The following RGS6 variants were observed in gnomAD, a reference collection of about 807,000 sequenced individuals.
RGS6 encodes the protein regulator of G-protein signaling 6.
A neutral mutation model predicts 78.5 loss-of-function variants in RGS6; 30 were observed. The ratio of observed to expected loss-of-function variants is 0.38; its 90% CI spans 0.29 to 0.52. RGS6 has a LOEUF of 0.52. Among genes scored for constraint, RGS6 ranks in the 20% least tolerant of loss-of-function variants. The pLI, the probability that RGS6 is intolerant of heterozygous loss-of-function variation, is 0.85. For synonymous variants in RGS6, 206 were observed against 206.0 expected (o/e 1.00, Z 0.00); for missense variants, 495 against 609.7 (o/e 0.81, Z 1.98).
At chr14:72,028,122 G>C (rs1422029268) in intron 2 of RGS6, among the ~76,000 whole-genome samples, 1 of 152,154 alleles carries the variant, frequency 6.6e-6, no homozygotes, top group East Asian at 1.9e-4. Context: ...TTAATTTGTG[G>C]TTGCTTTGCC....
the RGS6 span, among the ~76,000 whole-genome samples, chr14:71,885,173 T>G: frequency 6.6e-6 from 1 of 152,178 alleles, no homozygotes; most frequent in African/African-American, 2.4e-5. Flanking sequence ...ACAAGGGTAT[T>G]TAAATTATAA....
chr14:72,073,837 ACT>A (rs1389594753), intron 2 of RGS6, among the ~76,000 whole-genome samples: 4 of 152,208 alleles, frequency 2.6e-5, no homozygotes, highest in African/African-American at 9.6e-5. Flanking sequence ...ATAGTCCTTT[ACT>A]GTGAGCTATT....
At chr14:71,897,377 C>T in the RGS6 span, among the ~76,000 whole-genome samples, 2 of 152,172 alleles carry the variant, frequency 1.3e-5, no homozygotes, top group Non-Finnish European at 2.9e-5. Flanking sequence ...TATTTACTTC[C>T]CTACTTATTA....
At chr14:72,231,690 G>A (rs11847225) in intron 2 of RGS6, among the ~76,000 whole-genome samples, 11 of 152,134 alleles carry the variant, frequency 7.2e-5, no homozygotes, top group Admixed American at 1.3e-4. Context: ...AAACCCTTTC[G>A]GATAAAGTGA....
At chr14:72,538,398 A>G (rs564386689) in intron 16 of RGS6, among the ~76,000 whole-genome samples, 2 of 152,350 alleles carry the variant, frequency 1.3e-5, no homozygotes, top group Admixed American at 6.5e-5. Context: ...CAAATAAATG[A>G]TAGTCACACT....
the RGS6 span, among the ~76,000 whole-genome samples, chr14:71,917,285 C>T: frequency 7.9e-5 from 12 of 152,138 alleles, no homozygotes; most frequent in African/African-American, 2.9e-4. Flanking sequence ...CAGAGCTCCC[C>T]AGACCTATGT....
At chr14:71,997,290 T>C (rs2153208672) in intron 2 of RGS6, among the ~76,000 whole-genome samples, 1 of 152,246 alleles carries the variant, frequency 6.6e-6, no homozygotes, top group South Asian at 2.1e-4. Context: ...GAAGGTTAAA[T>C]TCACACTTGG....
At chr14:72,570,568 C>A (rs949167254), downstream of RGS6, among the ~76,000 whole-genome samples, 1 of 152,230 alleles carries the variant, frequency 6.6e-6, no homozygotes, top group Non-Finnish European at 1.5e-5. Flanking sequence ...CTTGGTGCAA[C>A]TCCAGGTTGA....
intron 17 of RGS6, among the ~76,000 whole-genome samples, chr14:72,542,990 A>G (rs116387290): frequency 0.011 from 1,723 of 152,020 alleles, 31 homozygotes; most frequent in African/African-American, 0.039. Flanking sequence ...GAAGTGCTGT[A>G]TGAGCTTCTC....
chr14:72,410,359 A>T (rs1251687474), intron 3 of RGS6, among the ~76,000 whole-genome samples: 1 of 152,196 alleles, frequency 6.6e-6, no homozygotes, highest in Non-Finnish European at 1.5e-5. Flanking sequence ...GGCTGCATAA[A>T]TGTCTTCTTT....
the RGS6 span, among the ~76,000 whole-genome samples, chr14:72,583,890 C>A: frequency 3.3e-5 from 5 of 152,182 alleles, no homozygotes; most frequent in Non-Finnish European, 7.4e-5. Context: ...GCTGTCTGCT[C>A]ATGGGGACAC....
At chr14:72,196,137 C>A (rs1054373331) in intron 2 of RGS6, among the ~76,000 whole-genome samples, 1 of 151,904 alleles carries the variant, frequency 6.6e-6, no homozygotes, top group Non-Finnish European at 1.5e-5. Context: ...AGCAGAGATG[C>A]GAGAGACACG....
At chr14:72,405,047 C>G (rs1402437074) in intron 3 of RGS6, among the ~76,000 whole-genome samples, 1 of 152,086 alleles carries the variant, frequency 6.6e-6, no homozygotes, top group Non-Finnish European at 1.5e-5. Flanking sequence ...TGCAGGGAAA[C>G]AGACTTTTTA....
chr14:72,577,339 A>C, the RGS6 span, among the ~76,000 whole-genome samples: 1 of 152,264 alleles, frequency 6.6e-6, no homozygotes, highest in African/African-American at 2.4e-5. Context: ...AATTCCAGAC[A>C]TCAGAGCAAA....
At chr14:72,061,544 GAGACCCTGGTTTCAACTGGAAAAGTAAC>G (rs1311045432) in intron 2 of RGS6, among the ~76,000 whole-genome samples, 1 of 152,060 alleles carries the variant, frequency 6.6e-6, no homozygotes, top group Non-Finnish European at 1.5e-5. Context: ...GTATATTCCT[GAGACCCTGGTTTCAACTGGAAAAGTAAC>G]TTTTTTTTTT....
intron 6 of RGS6, among the ~76,000 whole-genome samples, chr14:72,459,971 C>A (rs1243599583): frequency 1.3e-5 from 2 of 152,112 alleles, no homozygotes; most frequent in African/African-American, 4.8e-5. Flanking sequence ...GAACCAGGAT[C>A]CCACAGCAAC....
At chr14:72,549,835 C>T (rs1044607692) in intron 17 of RGS6, among the ~76,000 whole-genome samples, 4 of 152,186 alleles carry the variant, frequency 2.6e-5, no homozygotes, top group Admixed American at 1.3e-4. Context: ...TCACTCCAGC[C>T]TGGGCGACAG....
intron 2 of RGS6, among the ~76,000 whole-genome samples, chr14:72,110,407 C>T (rs539731236): frequency 5.2e-4 from 79 of 152,280 alleles, no homozygotes; most frequent in African/African-American, 1.6e-3. Context: ...GTCTGGGTGC[C>T]TCATTGGCCT....
chr14:72,025,091 CAGAA>C (rs1453215304), intron 2 of RGS6, among the ~76,000 whole-genome samples: 7 of 152,264 alleles, frequency 4.6e-5, no homozygotes, highest in African/African-American at 1.2e-4. Flanking sequence ...TATATAAAGA[CAGAA>C]AGAGGGAGTT....
Sources: gnomAD v4.1 joint callset for allele counts (sites outside exome capture counted in the v4.1 genomes callset) on GRCh38, gnomAD v4.1.1 for gene constraint, MANE v1.5 for transcripts, NCBI Gene and HGNC (gene_info 2026-07-23, HGNC 2026-07-21) for gene names.